The following AGBL4 variants were observed in gnomAD, a reference collection of about 807,000 sequenced individuals.
AGBL4 encodes the protein cytosolic carboxypeptidase 6.
Under a neutral mutation model 66.4 loss-of-function variants are expected in AGBL4, and 58 were observed. The ratio of observed to expected loss-of-function variants is 0.87; its 90% CI spans 0.71 to 1.09. The LOEUF (loss-of-function observed/expected upper bound fraction) is 1.09. AGBL4 is among the 50% of genes least tolerant of loss of function. The probability of loss-of-function intolerance (pLI) is 0.00; values close to 1 mark genes in which losing one functional copy is unlikely to be tolerated. For missense variants in AGBL4, 579 were observed against 631.0 expected, an observed-to-expected ratio of 0.92 and a Z score of 0.88; for synonymous variants, 234 against 222.9, an observed-to-expected ratio of 1.05 and a Z score of -0.44.
chr1:49,020,713 A>T (rs1173665398), intron 5 of AGBL4, among the ~76,000 whole-genome samples: 1 of 152,194 alleles, frequency 6.6e-6, no homozygotes, highest in Non-Finnish European at 1.5e-5. Context: ...GCCCAGAGCA[A>T]GATCTAACTC....
intron 5 of AGBL4, among the ~76,000 whole-genome samples, chr1:49,017,222 G>C (rs556794726): frequency 3.3e-5 from 5 of 152,264 alleles, no homozygotes; most frequent in African/African-American, 1.2e-4. Flanking sequence ...TGGAGAATTA[G>C]AGCATCCTTT....
chr1:49,815,905 T>C (rs1437886333), intron 2 of AGBL4, among the ~76,000 whole-genome samples: 1 of 152,098 alleles, frequency 6.6e-6, no homozygotes, highest in Admixed American at 6.6e-5. Context: ...CCATCTTTTT[T>C]TTCAGTGGGA....
At chr1:48,594,107 C>T (rs1644959411) in intron 9 of AGBL4, among the ~76,000 whole-genome samples, 1 of 152,142 alleles carries the variant, frequency 6.6e-6, no homozygotes, top group Admixed American at 6.5e-5. Context: ...GGGTGGATCA[C>T]CTGAGGTAAG....
At chr1:49,877,237 G>A (rs866975763) in intron 1 of AGBL4, among the ~76,000 whole-genome samples, 2,991 of 149,178 alleles carry the variant, frequency 0.02, 69 homozygotes, top group African/African-American at 0.072. Context: ...GTCTTGTGCC[G>A]GTTTTCAAAG....
chr1:48,644,292 C>G (rs1278333546), intron 8 of AGBL4, among the ~76,000 whole-genome samples: 2 of 152,210 alleles, frequency 1.3e-5, no homozygotes, highest in Non-Finnish European at 2.9e-5. Flanking sequence ...CTTCAAGATT[C>G]ATCTCACACA....
At chr1:49,263,233 C>T (rs1048306424) in intron 3 of AGBL4, among the ~76,000 whole-genome samples, 1 of 131,752 alleles carries the variant, frequency 7.6e-6, no homozygotes, top group East Asian at 1.9e-4. Context: ...TGCAGCACAC[C>T]AGCATGGCAC....
intron 6 of AGBL4, among the ~76,000 whole-genome samples, chr1:48,704,811 G>C (rs1220108229): frequency 5.3e-5 from 8 of 152,162 alleles, no homozygotes; most frequent in Admixed American, 5.2e-4. Context: ...GTATAAGAAG[G>C]AGTATCCTCC....
intron 5 of AGBL4, among the ~76,000 whole-genome samples, chr1:48,871,198 G>A (rs1170752442): frequency 6.6e-6 from 1 of 152,104 alleles, no homozygotes; most frequent in Non-Finnish European, 1.5e-5. Flanking sequence ...AGAGAGATAA[G>A]AGCCTTTAAT....
At chr1:49,123,878 C>T (rs193187798) in intron 4 of AGBL4, among the ~76,000 whole-genome samples, 3 of 152,300 alleles carry the variant, frequency 2.0e-5, no homozygotes, top group South Asian at 2.1e-4. Context: ...AGACATTATC[C>T]TTACTCCTGG....
chr1:48,776,553 G>A (rs1386025094), intron 6 of AGBL4: 4 of 680,178 alleles, frequency 5.9e-6, no homozygotes, highest in South Asian at 2.3e-5. Context: ...GGCCCCTCCC[G>A]GGGTCCCAGC....
At chr1:49,352,366 C>CTT (rs35699154) in intron 3 of AGBL4, among the ~76,000 whole-genome samples, 2,163 of 82,934 alleles carry the variant, frequency 0.026, 43 homozygotes, top group Middle Eastern at 0.047. Context: ...TGAATTGAAG[C>CTT]TTTTTTTTTT....
intron 1 of AGBL4, among the ~76,000 whole-genome samples, chr1:50,013,503 A>C (rs1169329950): frequency 1.3e-5 from 2 of 152,226 alleles, no homozygotes; most frequent in Non-Finnish European, 2.9e-5. Flanking sequence ...CTGAGATAAA[A>C]GCTTTCTAGT....
At chr1:48,800,618 T>C (rs1205145611) in intron 6 of AGBL4, among the ~76,000 whole-genome samples, 1 of 152,220 alleles carries the variant, frequency 6.6e-6, no homozygotes, top group African/African-American at 2.4e-5. Context: ...CTTTTTGATG[T>C]GGGCATTTAA....
intron 11 of AGBL4, among the ~76,000 whole-genome samples, chr1:48,546,010 T>C (rs532494237): frequency 2.6e-5 from 4 of 152,362 alleles, no homozygotes; most frequent in African/African-American, 7.2e-5. Flanking sequence ...ATACACTTTA[T>C]AGCCTAGAGA....
At chr1:49,738,623 AC>A (rs1164225550) in intron 2 of AGBL4, among the ~76,000 whole-genome samples, 1 of 151,994 alleles carries the variant, frequency 6.6e-6, no homozygotes, top group East Asian at 1.9e-4. Context: ...TGGGTCCTTG[AC>A]CCCCAAGTAG....
chr1:49,060,542 G>C (rs146652207), intron 4 of AGBL4, among the ~76,000 whole-genome samples: 14 of 152,084 alleles, frequency 9.2e-5, no homozygotes, highest in African/African-American at 3.1e-4. Flanking sequence ...ATTTTTCAGC[G>C]TGTAGACATA....
intron 3 of AGBL4, among the ~76,000 whole-genome samples, chr1:49,525,273 A>G (rs773406526): frequency 6.6e-6 from 1 of 152,180 alleles, no homozygotes. Flanking sequence ...GAATTATAAA[A>G]AGAATTAAAA....
intron 9 of AGBL4, among the ~76,000 whole-genome samples, chr1:48,622,866 C>T (rs549228140): frequency 6.6e-6 from 1 of 152,286 alleles, no homozygotes; most frequent in Non-Finnish European, 1.5e-5. Context: ...AAGTCACAGG[C>T]ATCACCTCAT....
At chr1:49,596,715 A>T (rs1460860625) in intron 3 of AGBL4, among the ~76,000 whole-genome samples, 1 of 152,224 alleles carries the variant, frequency 6.6e-6, no homozygotes, top group Admixed American at 6.5e-5. Flanking sequence ...TACACTGTTC[A>T]TACTACAGCA....
Sources: allele counts gnomAD v4.1 joint callset (sites outside exome capture counted in the v4.1 genomes callset), GRCh38; gene constraint gnomAD v4.1.1; transcripts MANE v1.5; gene names NCBI Gene and HGNC (gene_info 2026-07-23, HGNC 2026-07-21).